The following MAF variants were observed in gnomAD, a reference collection of about 807,000 sequenced individuals.
MAF encodes transcription factor Maf.
Under a neutral mutation model 22.0 loss-of-function variants are expected in MAF, and 10 were observed. The observed-to-expected ratio is 0.45, with a 90% CI of 0.28 to 0.77. The LOEUF is 0.77. MAF is among the 30% of genes least tolerant of loss of function. The pLI, the probability that MAF is intolerant of heterozygous loss-of-function variation, is 0.12. For synonymous variants in MAF, 337 were observed against 255.8 expected (o/e 1.32, Z -3.03); for missense variants, 544 against 548.4 (o/e 0.99, Z 0.08).
chr16:79,577,736 C>T, the MAF span, among the ~76,000 whole-genome samples: 6 of 152,210 alleles, frequency 3.9e-5, no homozygotes, highest in South Asian at 1.0e-3. Context: ...TAATAGTCTC[C>T]ACTGTTGTAG....
the MAF span, among the ~76,000 whole-genome samples, chr16:79,385,494 C>A: frequency 6.6e-6 from 1 of 152,182 alleles, no homozygotes; most frequent in Non-Finnish European, 1.5e-5. Flanking sequence ...ATAAAAAAGT[C>A]GAAACCTTCC....
chr16:79,232,390 T>C, the MAF span, among the ~76,000 whole-genome samples: 1 of 152,128 alleles, frequency 6.6e-6, no homozygotes, highest in African/African-American at 2.4e-5. Context: ...ATGTTATTGA[T>C]ACGACTTTTG....
At chr16:79,499,337 C>A in the MAF span, among the ~76,000 whole-genome samples, 1 of 152,096 alleles carries the variant, frequency 6.6e-6, no homozygotes, top group East Asian at 1.9e-4. Flanking sequence ...CATCTCATGG[C>A]AAGGTGTCAG....
At chr16:79,310,100 T>C in the MAF span, among the ~76,000 whole-genome samples, 1 of 152,136 alleles carries the variant, frequency 6.6e-6, no homozygotes, top group African/African-American at 2.4e-5. Context: ...AACGTGAGCA[T>C]TTCCCCCCCG....
chr16:79,338,961 C>T, the MAF span, among the ~76,000 whole-genome samples: 2 of 152,218 alleles, frequency 1.3e-5, no homozygotes, highest in Non-Finnish European at 2.9e-5. Context: ...GTCCTCTTTG[C>T]AGCCAGGGAT....
At chr16:79,238,157 A>G in the MAF span, among the ~76,000 whole-genome samples, 7 of 152,072 alleles carry the variant, frequency 4.6e-5, no homozygotes, top group South Asian at 1.0e-3. Flanking sequence ...CTTGAAGACA[A>G]CTACAGAGCT....
the MAF span, among the ~76,000 whole-genome samples, chr16:79,511,367 G>C: frequency 1.3e-5 from 2 of 152,172 alleles, no homozygotes; most frequent in Non-Finnish European, 2.9e-5. Context: ...GAGAGAAAGA[G>C]AGAGAGGGAA....
chr16:79,313,632 T>C, the MAF span, among the ~76,000 whole-genome samples: 1 of 152,320 alleles, frequency 6.6e-6, no homozygotes, highest in East Asian at 1.9e-4. Flanking sequence ...TCAGTTTTTG[T>C]TGTTTCTTTG....
the MAF span, chr16:79,516,144 G>A: frequency 1.3e-5 from 2 of 152,074 alleles, no homozygotes; most frequent in Admixed American, 6.6e-5. Context: ...TTCCCTGCCT[G>A]AGAAGCGCAT....
At chr16:79,581,016 T>C (rs1230281109), downstream of MAF, among the ~76,000 whole-genome samples, 3 of 152,096 alleles carry the variant, frequency 2.0e-5, no homozygotes, top group Non-Finnish European at 4.4e-5. Context: ...TTGGCTACCC[T>C]TACTGCTGAG....
At chr16:79,243,357 A>T in the MAF span, among the ~76,000 whole-genome samples, 1 of 151,934 alleles carries the variant, frequency 6.6e-6, no homozygotes, top group Non-Finnish European at 1.5e-5. Flanking sequence ...GATTCAAATA[A>T]TTGCAATAAA....
At chr16:79,580,130 G>A in the MAF span, among the ~76,000 whole-genome samples, 1 of 152,102 alleles carries the variant, frequency 6.6e-6, no homozygotes, top group African/African-American at 2.4e-5. Flanking sequence ...CAGAGACCAA[G>A]TTGCACCCTG....
chr16:79,442,022 G>A, the MAF span, among the ~76,000 whole-genome samples: 1 of 152,190 alleles, frequency 6.6e-6, no homozygotes, highest in Non-Finnish European at 1.5e-5. Context: ...GCCAAAGAAC[G>A]CCAGCAGGAC....
the MAF span, among the ~76,000 whole-genome samples, chr16:79,419,686 A>T: frequency 6.6e-6 from 1 of 152,034 alleles, no homozygotes; most frequent in South Asian, 2.1e-4. Context: ...AGCCGGGGAG[A>T]TTTTCATCAC....
At chr16:79,357,067 G>A in the MAF span, among the ~76,000 whole-genome samples, 2 of 152,156 alleles carry the variant, frequency 1.3e-5, no homozygotes, top group Admixed American at 1.3e-4. Context: ...GACCAGCCAG[G>A]CCAACATGGT....
the MAF span, among the ~76,000 whole-genome samples, chr16:79,431,158 T>G: frequency 6.6e-6 from 1 of 152,134 alleles, no homozygotes; most frequent in African/African-American, 2.4e-5. Flanking sequence ...ATTTCCATCC[T>G]CACCCCATCC....
At chr16:79,235,077 A>T in the MAF span, among the ~76,000 whole-genome samples, 1 of 152,094 alleles carries the variant, frequency 6.6e-6, no homozygotes, top group Non-Finnish European at 1.5e-5. Flanking sequence ...CAGATGCAAA[A>T]GCAATAAAGA....
the MAF span, among the ~76,000 whole-genome samples, chr16:79,365,246 C>T: frequency 6.6e-6 from 1 of 152,120 alleles, no homozygotes; most frequent in Admixed American, 6.6e-5. Flanking sequence ...TATGTTTTTC[C>T]CCACGATAGG....
At chr16:79,579,706 C>A in the MAF span, among the ~76,000 whole-genome samples, 1 of 152,194 alleles carries the variant, frequency 6.6e-6, no homozygotes, top group Non-Finnish European at 1.5e-5. Context: ...AATAGCTCTA[C>A]AAATAACTCC....
Sources: gnomAD v4.1 joint callset for allele counts (sites outside exome capture counted in the v4.1 genomes callset) on GRCh38, gnomAD v4.1.1 for gene constraint, MANE v1.5 for transcripts, NCBI Gene and HGNC (gene_info 2026-07-23, HGNC 2026-07-21) for gene names.